Variants in KCNH1 observed in about 807,000 individuals in gnomAD.
KCNH1 encodes the protein voltage-gated delayed rectifier potassium channel KCNH1.
Under a neutral mutation model 69.2 loss-of-function variants are expected in KCNH1, and 27 were observed. The ratio of observed to expected loss-of-function variants is 0.39; its 90% CI spans 0.29 to 0.54. The LOEUF (loss-of-function observed/expected upper bound fraction) is 0.54. Ranked by LOEUF, KCNH1 falls within the 20% of genes least tolerant of loss-of-function variation. The pLI, the probability that KCNH1 is intolerant of heterozygous loss-of-function variation, is 0.68. For synonymous variants in KCNH1, 456 were observed against 487.7 expected (o/e 0.93, Z 0.86); for missense variants, 798 against 1,261.6 (o/e 0.63, Z 5.57).
intron 7 of KCNH1, chr1:210,860,097 A>G (rs1407285530): frequency 3.5e-6 from 4 of 1,150,240 alleles, no homozygotes; most frequent in Non-Finnish European, 3.6e-6. Context: ...TTCTCCTGCA[A>G]CTACTGGAAG....
At chr1:211,032,077 A>C (rs893402205) in intron 5 of KCNH1, among the ~76,000 whole-genome samples, 3 of 152,236 alleles carry the variant, frequency 2.0e-5, no homozygotes, top group African/African-American at 7.2e-5. Context: ...AGGATACAAA[A>C]TCAATGTGCA....
chr1:211,103,716 A>T, intron 2 of KCNH1, 114 bp from the exon 3 acceptor site: 1 of 629,174 alleles, frequency 1.6e-6, no homozygotes, highest in Non-Finnish European at 2.7e-6. Flanking sequence ...GAACACACAC[A>T]CACACAATGA....
chr1:210,920,820 T>C (rs7536519), intron 6 of KCNH1, among the ~76,000 whole-genome samples: 69,293 of 151,974 alleles, frequency 0.46, 16,195 homozygotes, highest in African/African-American at 0.53. Flanking sequence ...AGGGATTATA[T>C]CATCAGACAC....
At chr1:211,012,278 G>A (rs867181161) in intron 6 of KCNH1, among the ~76,000 whole-genome samples, 15 of 152,256 alleles carry the variant, frequency 9.9e-5, no homozygotes, top group African/African-American at 2.6e-4. Flanking sequence ...TGGTAAGACT[G>A]GTCAGCCTGC....
At chr1:210,686,601 G>T (rs893557821) in intron 10 of KCNH1, among the ~76,000 whole-genome samples, 1 of 152,226 alleles carries the variant, frequency 6.6e-6, no homozygotes, top group Non-Finnish European at 1.5e-5. Flanking sequence ...AGGGGAAGGA[G>T]AGAAATGGGT....
At chr1:210,780,257 T>A (rs1028731096) in intron 9 of KCNH1, among the ~76,000 whole-genome samples, 3 of 152,142 alleles carry the variant, frequency 2.0e-5, no homozygotes, top group African/African-American at 7.2e-5. Context: ...GCTTGGCAGG[T>A]CTGGGAGATC....
At chr1:210,955,851 G>A (rs185986376) in intron 6 of KCNH1, among the ~76,000 whole-genome samples, 1 of 152,252 alleles carries the variant, frequency 6.6e-6, no homozygotes, top group Non-Finnish European at 1.5e-5. Flanking sequence ...TCTGTAAACA[G>A]GGACAATTTG....
chr1:210,804,313 C>T (rs903643511), intron 7 of KCNH1, 147 bp from the exon 8 acceptor site: 1 of 657,246 alleles, frequency 1.5e-6, no homozygotes, highest in African/African-American at 1.8e-5. Flanking sequence ...TCTCAGGAGA[C>T]CCTCACACCT....
intron 6 of KCNH1, among the ~76,000 whole-genome samples, chr1:210,953,847 T>C (rs954776312): frequency 6.6e-6 from 1 of 152,198 alleles, no homozygotes; most frequent in Non-Finnish European, 1.5e-5. Context: ...TACATTGAAC[T>C]ACTTGCAGTT....
intron 6 of KCNH1, among the ~76,000 whole-genome samples, chr1:210,968,079 C>T (rs1030453934): frequency 6.6e-6 from 1 of 151,656 alleles, no homozygotes; most frequent in African/African-American, 2.4e-5. Context: ...CATGTGATCT[C>T]ACTGTTCAGT....
In KCNH1 at chr1:210,775,406, G is replaced by A. The variant is rs1349830428; in HGVS notation, c.2054C>T (p.Thr685Met). ...CCGGGAGAAGGAATGGGAGAAGGCCGTGTAGAATTCCAGCACTTTCTGCAG... is the reference window on the plus strand; with the variant it reads ...CCGGGAGAAGGAATGGGAGAAGGCCATGTAGAATTCCAGCACTTTCTGCAG... The part of the protein sequence containing the change: ...DALQKVLEFY[T>M]AFSHSFSRNL... Residue 685 changes from threonine (T) to methionine (M), a missense_variant, in exon 10 of 11, where the codon ACG becomes ATG. Coordinates refer to ENST00000271751, the MANE Select transcript of KCNH1 (RefSeq NM_172362.3). The A allele has an allele frequency of 7.4e-6, 12 of 1,614,012 alleles. No individual in the cohort carries two copies. Among genetic ancestry groups the A allele is most frequent in the African/African-American group, 4.0e-5 (3 of 74,922 alleles).
At chr1:210,880,303 C>G (rs1298749463) in intron 7 of KCNH1, among the ~76,000 whole-genome samples, 3 of 152,012 alleles carry the variant, frequency 2.0e-5, no homozygotes, top group Admixed American at 2.0e-4. Context: ...AGGAGAAGAA[C>G]AAAACTAGAG....
chr1:211,030,360 A>T (rs1239702625), intron 5 of KCNH1, among the ~76,000 whole-genome samples: 2 of 152,214 alleles, frequency 1.3e-5, no homozygotes, highest in Non-Finnish European at 2.9e-5. Flanking sequence ...ACCAATCACA[A>T]GACTTGATAT....
intron 5 of KCNH1, among the ~76,000 whole-genome samples, chr1:211,076,845 G>C (rs1690743024): frequency 6.6e-6 from 1 of 152,138 alleles, no homozygotes; most frequent in Non-Finnish European, 1.5e-5. Flanking sequence ...CCCATCGCAA[G>C]GAAGCTAAAA....
intron 1 of KCNH1, among the ~76,000 whole-genome samples, chr1:211,132,013 C>G (rs956222831): frequency 2.0e-5 from 3 of 152,194 alleles, no homozygotes; most frequent in African/African-American, 7.2e-5. Flanking sequence ...CTTCACAGCT[C>G]CAAGATTCTT....
intron 7 of KCNH1, among the ~76,000 whole-genome samples, chr1:210,890,140 A>G (rs1221629203): frequency 1.3e-5 from 2 of 152,218 alleles, no homozygotes; most frequent in Non-Finnish European, 2.9e-5. Flanking sequence ...CTGATGTCAA[A>G]CTATACTACA....
Position 210,683,759 on chromosome 1 carries a change from C to T in KCNH1, c.2492G>A (p.Cys831Tyr), listed in dbSNP as rs1681333976. 6.2e-7 allele frequency: 1 copy of T among 1,613,892 alleles called. No homozygotes were observed. The highest frequency in any genetic ancestry group is 8.5e-7 in the Non-Finnish European group (1 of 1,180,054). Residue 831 changes from cysteine to tyrosine, a missense_variant, in exon 11 of 11, where the codon TGT (cysteine) becomes TAT (tyrosine). Physicochemically the swap from Cys to Tyr is radical, Grantham distance 194. This residue lies in a region of KCNH1 where 331 missense variants were observed against 363.2 expected (regional missense o/e 0.91). Coordinates refer to ENST00000271751, the MANE Select transcript of KCNH1 (RefSeq NM_172362.3). This position sits in a 1 kb window ranked among gnomAD's most constrained non-coding sequence, Gnocchi z 5.7. ...CLGPKGGGGD[C>Y]AKRKSWARFK... Reference sequence around the variant, plus strand: ...GCGGGCCCAGCTTTTGCGCTTGGCACAATCGCCCCCGCCCCCCTTGGGGCC... The same window carrying T: ...GCGGGCCCAGCTTTTGCGCTTGGCATAATCGCCCCCGCCCCCCTTGGGGCC...
intron 10 of KCNH1, among the ~76,000 whole-genome samples, chr1:210,708,494 A>T (rs1681970648): frequency 6.6e-6 from 1 of 152,144 alleles, no homozygotes; most frequent in African/African-American, 2.4e-5. Flanking sequence ...ATTTACATAG[A>T]GTCCGTAAAC....
At chr1:210,880,846 C>G (rs1475395524) in intron 7 of KCNH1, among the ~76,000 whole-genome samples, 1 of 151,954 alleles carries the variant, frequency 6.6e-6, no homozygotes, top group Admixed American at 6.6e-5. Flanking sequence ...AAGACTGTTT[C>G]CCGCAATAAA....
Sources: gnomAD v4.1 joint callset for allele counts (sites outside exome capture counted in the v4.1 genomes callset) on GRCh38, gnomAD v4.1.1 for gene constraint, gnomAD v4.1.1 regional missense constraint, Gnocchi (gnomAD v3.1) non-coding constraint, MANE v1.5 for transcripts, NCBI Gene and HGNC (gene_info 2026-07-23, HGNC 2026-07-21) for gene names.